Variants in CDH18 observed in about 807,000 individuals in gnomAD.
CDH18 encodes cadherin-18.
A neutral mutation model predicts 67.9 loss-of-function variants in CDH18; 31 were observed. That is an observed-to-expected ratio of 0.46 (90% CI 0.34 to 0.62). CDH18 has a LOEUF of 0.62. Among genes scored for constraint, CDH18 ranks in the 20% least tolerant of loss-of-function variants. CDH18 has a pLI of 0.01. For missense variants in CDH18, 890 were observed against 975.5 expected (o/e 0.91, Z 1.17); for synonymous variants, 362 against 347.2 (o/e 1.04, Z -0.48).
chr5:20,345,535 C>T (rs114928377), intron 1 of CDH18, among the ~76,000 whole-genome samples: 3,493 of 152,100 alleles, frequency 0.023, 103 homozygotes, highest in East Asian at 0.075. Context: ...TTTATTCCAA[C>T]CATATGCAAC....
chr5:19,729,391 C>T (rs186848462), intron 4 of CDH18, among the ~76,000 whole-genome samples: 6 of 152,320 alleles, frequency 3.9e-5, no homozygotes, highest in Admixed American at 1.3e-4. Context: ...TTGGAGACGG[C>T]AGAATTCAAG....
chr5:20,534,723 TTTTC>T (rs1756613016), intron 1 of CDH18, among the ~76,000 whole-genome samples: 4 of 152,222 alleles, frequency 2.6e-5, no homozygotes, highest in African/African-American at 7.2e-5. Flanking sequence ...GTGCTTTTAT[TTTTC>T]TTTGTTTACC....
intron 3 of CDH18, among the ~76,000 whole-genome samples, chr5:19,799,579 A>G (rs575506526): frequency 9.9e-5 from 15 of 152,068 alleles, no homozygotes; most frequent in Non-Finnish European, 1.8e-4. Flanking sequence ...ATTTATTTAA[A>G]TGTATACATT....
At chr5:20,426,241 T>C (rs1748291922) in intron 1 of CDH18, among the ~76,000 whole-genome samples, 1 of 151,150 alleles carries the variant, frequency 6.6e-6, no homozygotes. Flanking sequence ...TTACATAAGA[T>C]AATTCCTATT....
At chr5:20,216,744 A>C (rs2126421057) in intron 2 of CDH18, among the ~76,000 whole-genome samples, 1 of 152,132 alleles carries the variant, frequency 6.6e-6, no homozygotes, top group South Asian at 2.1e-4. Context: ...CAGCAGCAGA[A>C]GCATCAAGAG....
At chr5:20,250,589 CTTTTTTTTTTTTTTTT>C (rs70954644) in intron 2 of CDH18, among the ~76,000 whole-genome samples, 1 of 33,548 alleles carries the variant, frequency 3.0e-5, no homozygotes. Flanking sequence ...CGGCCCATGG[CTTTTTTTTTTTTTTTT>C]TTTTTTTTTT....
intron 5 of CDH18, among the ~76,000 whole-genome samples, chr5:19,653,012 C>T (rs1052020451): frequency 2.0e-5 from 3 of 152,000 alleles, no homozygotes; most frequent in African/African-American, 4.8e-5. Flanking sequence ...CTACTATTAA[C>T]CCCTTGATTT....
At chr5:20,091,145 A>G (rs1055239167) in intron 2 of CDH18, among the ~76,000 whole-genome samples, 1 of 152,072 alleles carries the variant, frequency 6.6e-6, no homozygotes, top group Non-Finnish European at 1.5e-5. Context: ...GTGAGTACAA[A>G]AGTGAATGCA....
chr5:20,306,668 T>C (rs562353162), intron 1 of CDH18, among the ~76,000 whole-genome samples: 1 of 152,096 alleles, frequency 6.6e-6, no homozygotes, highest in South Asian at 2.1e-4. Context: ...GTTAAACCGT[T>C]AGTCCCTGAA....
At chr5:19,638,998 TTTTTTTG>T (rs1753634899) in intron 5 of CDH18, among the ~76,000 whole-genome samples, 2 of 118,246 alleles carry the variant, frequency 1.7e-5, no homozygotes, top group African/African-American at 5.6e-5. Flanking sequence ...TTTTTTTTTT[TTTTTTTG>T]TTTGTTTTTT....
chr5:20,573,991 A>T (rs1180224325), intron 1 of CDH18, among the ~76,000 whole-genome samples: 1 of 148,868 alleles, frequency 6.7e-6, no homozygotes, highest in Non-Finnish European at 1.5e-5. Context: ...GACTCAATTT[A>T]AAAACAAAAA....
chr5:19,840,274 CAAA>C (rs770658457), intron 2 of CDH18, among the ~76,000 whole-genome samples: 1 of 48,674 alleles, frequency 2.1e-5, no homozygotes, highest in African/African-American at 6.6e-5. Context: ...GACTCCGTCT[CAAA>C]AAAAAAAAAA....
At chr5:20,462,526 A>G (rs903893374) in intron 1 of CDH18, among the ~76,000 whole-genome samples, 10 of 152,208 alleles carry the variant, frequency 6.6e-5, no homozygotes, top group Non-Finnish European at 8.8e-5. Context: ...GAAATGATAA[A>G]TATCAAAGTG....
chr5:19,863,609 C>G (rs898499478), intron 2 of CDH18, among the ~76,000 whole-genome samples: 1 of 152,144 alleles, frequency 6.6e-6, no homozygotes, highest in Non-Finnish European at 1.5e-5. Context: ...ATGCTCAGCC[C>G]CCACTAAGAG....
chr5:19,582,545 T>C (rs1207652226), intron 7 of CDH18, among the ~76,000 whole-genome samples: 1 of 152,044 alleles, frequency 6.6e-6, no homozygotes, highest in African/African-American at 2.4e-5. Context: ...AAACTTGGAA[T>C]TCCTCTATCA....
At chr5:20,348,373 T>C (rs960096735) in intron 1 of CDH18, among the ~76,000 whole-genome samples, 1 of 152,096 alleles carries the variant, frequency 6.6e-6, no homozygotes, top group Non-Finnish European at 1.5e-5. Context: ...AAATGTAGGT[T>C]GACAAGAAGC....
intron 3 of CDH18, among the ~76,000 whole-genome samples, chr5:19,819,989 T>G (rs926312689): frequency 6.6e-6 from 1 of 152,086 alleles, no homozygotes; most frequent in Middle Eastern, 3.4e-3. Flanking sequence ...CCCAGTAGAG[T>G]CAGGGGTCCC....
chr5:20,102,991 G>A (rs1746604159), intron 2 of CDH18, among the ~76,000 whole-genome samples: 1 of 152,148 alleles, frequency 6.6e-6, no homozygotes, highest in Non-Finnish European at 1.5e-5. Context: ...TCCTGGATGT[G>A]TCTAAGAACT....
At chr5:19,785,614 A>G (rs1775621263) in intron 3 of CDH18, among the ~76,000 whole-genome samples, 2 of 130,678 alleles carry the variant, frequency 1.5e-5, no homozygotes, top group Non-Finnish European at 3.2e-5. Flanking sequence ...AGATCATGCC[A>G]TTGCATTCCA....
Sources: allele counts gnomAD v4.1 joint callset (sites outside exome capture counted in the v4.1 genomes callset), GRCh38; gene constraint gnomAD v4.1.1; transcripts MANE v1.5; gene names NCBI Gene and HGNC (gene_info 2026-07-23, HGNC 2026-07-21).